Variants in RAD51B observed in about 807,000 individuals in gnomAD.
RAD51B encodes the protein RAD51 paralog B.
Under a neutral mutation model 42.2 loss-of-function variants are expected in RAD51B, and 38 were observed. The ratio of observed to expected loss-of-function variants is 0.90; its 90% CI spans 0.70 to 1.18. The LOEUF (loss-of-function observed/expected upper bound fraction) is 1.18, where lower values mean the gene tolerates loss of function less well. Among genes scored for constraint, RAD51B ranks in the 50% most tolerant of loss-of-function variants. The pLI, the probability that RAD51B is intolerant of heterozygous loss-of-function variation, is 0.00. For missense variants in RAD51B, 373 were observed against 400.7 expected (o/e 0.93, Z 0.59); for synonymous variants, 154 against 145.2 (o/e 1.06, Z -0.43).
intron 7 of RAD51B, among the ~76,000 whole-genome samples, chr14:67,892,226 G>A (rs1167293199): frequency 6.6e-6 from 1 of 152,040 alleles, no homozygotes; most frequent in Admixed American, 6.6e-5. Flanking sequence ...GTTCATTCAG[G>A]TCCCTGAAAC....
intron 7 of RAD51B, among the ~76,000 whole-genome samples, chr14:68,253,330 C>A (rs1038619072): frequency 2.0e-5 from 3 of 151,804 alleles, no homozygotes; most frequent in African/African-American, 4.8e-5. Context: ...TCACATCCTT[C>A]AACCTTTCTT....
chr14:68,569,326 C>A (rs1889578268), intron 10 of RAD51B, among the ~76,000 whole-genome samples: 1 of 152,326 alleles, frequency 6.6e-6, no homozygotes, highest in African/African-American at 2.4e-5. Flanking sequence ...TCCCTCTTCT[C>A]CCTCTGCTTA....
chr14:68,085,573 A>G (rs1439839700), intron 7 of RAD51B, among the ~76,000 whole-genome samples: 2 of 152,232 alleles, frequency 1.3e-5, no homozygotes, highest in Admixed American at 1.3e-4. Flanking sequence ...GATTGTTTAA[A>G]TTAAAAAAGC....
intron 10 of RAD51B, chr14:68,594,480 C>T: frequency 1.5e-6 from 2 of 1,367,068 alleles, no homozygotes; most frequent in Non-Finnish European, 9.7e-7. Context: ...TTCTCTCTCT[C>T]TTAGAGACAA....
intron 8 of RAD51B, among the ~76,000 whole-genome samples, chr14:68,395,276 A>G (rs1410664520): frequency 6.6e-6 from 1 of 151,972 alleles, no homozygotes; most frequent in African/African-American, 2.4e-5. Flanking sequence ...CCTCCATACA[A>G]AGCTGTTTTG....
At chr14:68,390,481 CA>C (rs1181015935) in intron 8 of RAD51B, among the ~76,000 whole-genome samples, 9 of 152,196 alleles carry the variant, frequency 5.9e-5, no homozygotes, top group African/African-American at 2.2e-4. Context: ...ATTGAGTTTA[CA>C]CTGCAGGGAT....
chr14:68,253,319 C>G (rs2080681231), intron 7 of RAD51B, among the ~76,000 whole-genome samples: 1 of 151,726 alleles, frequency 6.6e-6, no homozygotes, highest in Non-Finnish European at 1.5e-5. Flanking sequence ...AAGATATTTC[C>G]TCACATCCTT....
chr14:67,843,171 C>CT (rs1289528743), intron 4 of RAD51B, among the ~76,000 whole-genome samples: 7 of 147,770 alleles, frequency 4.7e-5, no homozygotes, highest in Non-Finnish European at 7.5e-5. Context: ...TATTATTATA[C>CT]TTTAAGTTTT....
At chr14:68,067,755 C>T (rs981115665) in intron 7 of RAD51B, among the ~76,000 whole-genome samples, 1 of 150,964 alleles carries the variant, frequency 6.6e-6, no homozygotes, top group Non-Finnish European at 1.5e-5. Context: ...CACAGCAAGA[C>T]CCCATCTTTA....
intron 10 of RAD51B, among the ~76,000 whole-genome samples, chr14:68,631,176 G>A (rs981240916): frequency 6.6e-6 from 1 of 152,146 alleles, no homozygotes; most frequent in South Asian, 2.1e-4. Context: ...TGAAATTCTG[G>A]ACGTATATGG....
intron 7 of RAD51B, among the ~76,000 whole-genome samples, chr14:68,096,297 C>T (rs913979236): frequency 2.6e-5 from 4 of 152,160 alleles, no homozygotes; most frequent in Non-Finnish European, 4.4e-5. Context: ...ATGAGTACTT[C>T]GAACTCTCTG....
At chr14:68,091,371 C>T (rs915299289) in intron 7 of RAD51B, among the ~76,000 whole-genome samples, 11 of 152,076 alleles carry the variant, frequency 7.2e-5, no homozygotes, top group Non-Finnish European at 1.6e-4. Flanking sequence ...CTGTTGTTTC[C>T]TGACTTTTTA....
intron 7 of RAD51B, among the ~76,000 whole-genome samples, chr14:68,227,668 G>A (rs533342725): frequency 9.9e-5 from 15 of 152,186 alleles, no homozygotes; most frequent in African/African-American, 7.2e-5. Flanking sequence ...TTTAAATTGT[G>A]CTTTTTTCTT....
At chr14:68,246,330 A>G (rs937021534) in intron 7 of RAD51B, among the ~76,000 whole-genome samples, 11 of 152,208 alleles carry the variant, frequency 7.2e-5, no homozygotes, top group Non-Finnish European at 1.6e-4. Flanking sequence ...TTGACAAAAA[A>G]GGATAGAAGT....
intron 10 of RAD51B, among the ~76,000 whole-genome samples, chr14:68,575,833 A>G (rs971707414): frequency 6.6e-6 from 1 of 152,242 alleles, no homozygotes; most frequent in African/African-American, 2.4e-5. Flanking sequence ...TTTGAAATAC[A>G]TATAGAAAGA....
chr14:68,654,947 C>T (rs1884811), intron 11 of RAD51B, among the ~76,000 whole-genome samples: 8 of 151,884 alleles, frequency 5.3e-5, no homozygotes, highest in Non-Finnish European at 4.4e-5. Context: ...TCCCTCCCCC[C>T]CTGCCTTCCC....
At chr14:68,500,288 A>G (rs981379148) in intron 10 of RAD51B, among the ~76,000 whole-genome samples, 3 of 152,194 alleles carry the variant, frequency 2.0e-5, no homozygotes, top group African/African-American at 4.8e-5. Context: ...CCTCGAAACA[A>G]TCCTACATGG....
intron 7 of RAD51B, among the ~76,000 whole-genome samples, chr14:68,242,540 G>A (rs989623495): frequency 2.0e-5 from 3 of 152,086 alleles, no homozygotes; most frequent in Admixed American, 6.5e-5. Context: ...TTCCTCTAAC[G>A]TTCAAACAGA....
intron 7 of RAD51B, among the ~76,000 whole-genome samples, chr14:67,969,398 C>T (rs1211265480): frequency 6.6e-6 from 1 of 152,144 alleles, no homozygotes; most frequent in Non-Finnish European, 1.5e-5. Flanking sequence ...CCACTTCTAC[C>T]CAATTACTGA....
Sources: gnomAD v4.1 joint callset for allele counts (sites outside exome capture counted in the v4.1 genomes callset) on GRCh38, gnomAD v4.1.1 for gene constraint, MANE v1.5 for transcripts, NCBI Gene and HGNC (gene_info 2026-07-23, HGNC 2026-07-21) for gene names.